Variants in PEPD observed in about 807,000 individuals in gnomAD.
PEPD encodes the protein xaa-Pro dipeptidase.
Under a neutral mutation model 60.7 loss-of-function variants are expected in PEPD, and 53 were observed. The ratio of observed to expected loss-of-function variants is 0.87; its 90% confidence interval spans 0.70 to 1.10. The LOEUF (loss-of-function observed/expected upper bound fraction) is 1.10. Ranked by LOEUF, PEPD falls within the 50% of genes least tolerant of loss-of-function variation. PEPD has a pLI of 0.00. For synonymous variants in PEPD, 267 were observed against 284.1 expected (o/e 0.94, Z 0.60); for missense variants, 711 against 711.9 (o/e 1.00, Z 0.01).
intron 12 of PEPD, among the ~76,000 whole-genome samples, chr19:33,397,440 C>T (rs567770964): frequency 6.6e-6 from 1 of 152,240 alleles, no homozygotes; most frequent in East Asian, 1.9e-4. Context: ...GGGGGCTGAC[C>T]TGGCCACGGC....
intron 7 of PEPD, among the ~76,000 whole-genome samples, chr19:33,472,325 C>T (rs1703554492): frequency 6.6e-6 from 1 of 152,160 alleles, no homozygotes; most frequent in Admixed American, 6.5e-5. Flanking sequence ...AAGACCCTGT[C>T]TCTAAAAAGA....
In PEPD at chr19:33,494,052, C is replaced by G. The variant is rs78873537; in HGVS notation, c.394-715G>C. 6.6e-5 allele frequency among the ~76,000 whole-genome samples: 10 copies of G among 152,280 alleles called. No individual in the cohort carries two copies. In the South Asian group the frequency reaches 1.9e-3, roughly 28 times the overall value. On this transcript the variant is annotated intron_variant, in intron 4 of 14. Coordinates refer to ENST00000244137, the MANE Select transcript of PEPD (RefSeq NM_000285.4). ...CCAGCCCCCTGGGCAGGTTCGTTCA[C>G]TCCCTCCTCTACTGCCCCACTGACA...
intron 12 of PEPD, among the ~76,000 whole-genome samples, chr19:33,397,609 GGGGGGGCTGCT>G (rs1013316434): frequency 4.6e-5 from 7 of 151,956 alleles, no homozygotes; most frequent in Middle Eastern, 3.4e-3. Context: ...TGGTAGGTGT[GGGGGGGCTGCT>G]GGGGGGCTGC....
At chr19:33,465,060 A>C (rs1969995428) in intron 7 of PEPD, among the ~76,000 whole-genome samples, 1 of 152,098 alleles carries the variant, frequency 6.6e-6, no homozygotes, top group Non-Finnish European at 1.5e-5. Flanking sequence ...AAAAACGGAG[A>C]TATGAACACT....
intron 10 of PEPD, among the ~76,000 whole-genome samples, chr19:33,412,646 C>T (rs1313354206): frequency 2.0e-5 from 3 of 152,252 alleles, no homozygotes. Context: ...TATGGCCCTG[C>T]TCAGGAGTCT....
At chr19:33,408,729 CG>C (rs1374407253) in intron 11 of PEPD, among the ~76,000 whole-genome samples, 1 of 152,148 alleles carries the variant, frequency 6.6e-6, no homozygotes, top group Non-Finnish European at 1.5e-5. Flanking sequence ...CGCTCGGCTT[CG>C]GGGGAATTCT....
intron 6 of PEPD, among the ~76,000 whole-genome samples, chr19:33,480,600 T>C (rs1199450211): frequency 6.6e-6 from 1 of 152,010 alleles, no homozygotes; most frequent in African/African-American, 2.4e-5. Context: ...ATCCAGACCA[T>C]CCTGGCCAAT....
intron 13 of PEPD, among the ~76,000 whole-genome samples, chr19:33,390,022 G>A (rs569906227): frequency 1.3e-5 from 2 of 152,372 alleles, no homozygotes; most frequent in South Asian, 2.1e-4. Flanking sequence ...GCCCATGCTC[G>A]CCTCTGCCTG....
intron 9 of PEPD, among the ~76,000 whole-genome samples, chr19:33,424,865 C>T (rs59043989): frequency 0.13 from 19,660 of 151,946 alleles, 1,871 homozygotes; most frequent in African/African-American, 0.26. Flanking sequence ...AGGGGTTTCC[C>T]CTTATAAAAC....
chr19:33,459,673 C>CTT (rs10639577), intron 9 of PEPD, among the ~76,000 whole-genome samples: 12,524 of 149,600 alleles, frequency 0.084, 708 homozygotes, highest in Admixed American at 0.17. Flanking sequence ...CGCTCGCTCA[C>CTT]TTTTTTTTTT....
At chr19:33,395,521 C>T (rs1968339290) in intron 12 of PEPD, among the ~76,000 whole-genome samples, 1 of 152,174 alleles carries the variant, frequency 6.6e-6, no homozygotes, top group Non-Finnish European at 1.5e-5. Flanking sequence ...GAACAAGCCC[C>T]GCTGCTCCTG....
At chr19:33,501,718 C>G (rs1970717998) in intron 3 of PEPD, among the ~76,000 whole-genome samples, 1 of 151,744 alleles carries the variant, frequency 6.6e-6, no homozygotes, top group Admixed American at 6.6e-5. Context: ...ATTTTATGTT[C>G]TAGAGACAGC....
chr19:33,506,536 CCA>C (rs553487183), intron 3 of PEPD, among the ~76,000 whole-genome samples: 54 of 149,520 alleles, frequency 3.6e-4, no homozygotes, highest in Middle Eastern at 3.5e-3. Context: ...ACCCTACACA[CCA>C]CACACACAGC....
intron 9 of PEPD, among the ~76,000 whole-genome samples, chr19:33,428,915 C>T (rs532408427): frequency 1.8e-4 from 27 of 152,344 alleles, no homozygotes; most frequent in African/African-American, 6.3e-4. Flanking sequence ...TGCATATACG[C>T]ACACATCCAC....
At chr19:33,409,110 G>A (rs1053489214) in intron 11 of PEPD, among the ~76,000 whole-genome samples, 1 of 152,262 alleles carries the variant, frequency 6.6e-6, no homozygotes, top group African/African-American at 2.4e-5. Context: ...GAGGGCCGAG[G>A]CCACAGCATC....
Position 33,462,982 on chromosome 19 carries a change from C to T in PEPD, c.671+13G>A, listed in dbSNP as rs1568484437. ...TACCTTTTAATTTTACCCGGAGAAA[C>T]ATGGTGGCTTACCTTTCCAACTCAT... On this transcript the variant is annotated intron_variant, in intron 9 of 14. Transcript: ENST00000244137. 1 of 1,561,036 alleles carries T rather than the reference C, an allele frequency of 6.4e-7. No homozygotes were observed.
chr19:33,512,611 G>A lies in PEPD; in HGVS notation c.183C>T (p.Thr61=), dbSNP rs560782839. ...GGCTCACCTGGCGGAAGAGGACCCC[G>A]GTGTCGGTGCAGTAGCGCTGAGTCT... ...GEETQRYCTD[T]GVLFRQESFF... Residue 61 remains threonine (T), a synonymous_variant, in exon 2 of 15, where the codon ACC becomes ACT. Coordinates refer to ENST00000244137, the MANE Select transcript of PEPD (RefSeq NM_000285.4). 56 of 1,613,782 alleles carry A rather than the reference G, an allele frequency of 3.5e-5. No homozygotes were observed. Among genetic ancestry groups the A allele is most frequent in the Middle Eastern group, 1.7e-4 (1 of 5,996 alleles).
intron 9 of PEPD, among the ~76,000 whole-genome samples, chr19:33,450,981 C>T (rs1969686762): frequency 6.6e-6 from 1 of 152,204 alleles, no homozygotes; most frequent in Non-Finnish European, 1.5e-5. Flanking sequence ...TTACTAACCC[C>T]TCCCTAAAAA....
At chr19:33,475,506 C>G (rs2145293465) in intron 7 of PEPD, among the ~76,000 whole-genome samples, 1 of 152,174 alleles carries the variant, frequency 6.6e-6, no homozygotes, top group Non-Finnish European at 1.5e-5. Flanking sequence ...CTACTGCCAT[C>G]AACTTTCTGC....
Sources: gnomAD v4.1 joint callset for allele counts (sites outside exome capture counted in the v4.1 genomes callset) on GRCh38, gnomAD v4.1.1 for gene constraint, MANE v1.5 for transcripts, NCBI Gene and HGNC (gene_info 2026-07-23, HGNC 2026-07-21) for gene names.